The following MEMO1 variants were observed in gnomAD, a reference collection of about 807,000 sequenced individuals.
MEMO1 encodes protein MEMO1.
In MEMO1, 6 loss-of-function variants were observed where a neutral mutation model predicts 45.2. The ratio of observed to expected loss-of-function variants is 0.13; its 90% CI spans 0.07 to 0.26. The LOEUF (loss-of-function observed/expected upper bound fraction) is 0.26. Ranked by LOEUF, MEMO1 falls within the 10% of genes least tolerant of loss-of-function variation. The pLI is 1.00. For missense variants in MEMO1, 184 were observed against 370.5 expected (o/e 0.50, Z 4.13); for synonymous variants, 78 against 124.3 (o/e 0.63, Z 2.48).
chr2:31,955,145 G>A (rs1211402793), intron 2 of MEMO1, among the ~76,000 whole-genome samples: 1 of 151,814 alleles, frequency 6.6e-6, no homozygotes, highest in Admixed American at 6.6e-5. Context: ...GCTGAGGCAG[G>A]AAGATCGCTT....
At chr2:31,975,725 A>T (rs1272323623) in intron 2 of MEMO1, among the ~76,000 whole-genome samples, 1 of 152,240 alleles carries the variant, frequency 6.6e-6, no homozygotes, top group Non-Finnish European at 1.5e-5. Context: ...CATTCCTAAA[A>T]ATTACTAAAA....
intron 8 of MEMO1, among the ~76,000 whole-genome samples, chr2:31,877,195 A>C (rs1279170490): frequency 6.6e-6 from 1 of 152,222 alleles, no homozygotes; most frequent in Non-Finnish European, 1.5e-5. Context: ...GTTCTCATGA[A>C]GCTTACGTAA....
intron 3 of MEMO1, among the ~76,000 whole-genome samples, chr2:31,941,896 C>T (rs968503789): frequency 2.6e-5 from 4 of 152,156 alleles, no homozygotes; most frequent in Non-Finnish European, 5.9e-5. Flanking sequence ...TGTGTATTTA[C>T]TATTTGCTCA....
chr2:31,874,423 G>T (rs1169284285), intron 8 of MEMO1, among the ~76,000 whole-genome samples: 1 of 151,976 alleles, frequency 6.6e-6, no homozygotes, highest in African/African-American at 2.4e-5. Context: ...ACTACATTCG[G>T]TAGTTTGTTC....
At chr2:31,883,765 C>G (rs1675754102) in intron 7 of MEMO1, among the ~76,000 whole-genome samples, 1 of 151,942 alleles carries the variant, frequency 6.6e-6, no homozygotes, top group African/African-American at 2.4e-5. Context: ...CATTGTTAAA[C>G]ATTTTATCAG....
intron 2 of MEMO1, among the ~76,000 whole-genome samples, chr2:31,953,699 C>T (rs747701655): frequency 9.2e-5 from 14 of 151,990 alleles, no homozygotes; most frequent in Non-Finnish European, 1.9e-4. Flanking sequence ...TCAAATGATC[C>T]GCCCACCTTG....
chr2:31,909,574 C>A (rs1056237394), intron 6 of MEMO1, among the ~76,000 whole-genome samples: 1 of 151,876 alleles, frequency 6.6e-6, no homozygotes, highest in African/African-American at 2.4e-5. Flanking sequence ...AGAGCTATAC[C>A]AGGAAAATTT....
intron 2 of MEMO1, among the ~76,000 whole-genome samples, chr2:31,977,438 A>G (rs1174891938): frequency 6.6e-6 from 1 of 152,162 alleles, no homozygotes; most frequent in East Asian, 1.9e-4. Flanking sequence ...ACCGCAGGAA[A>G]ACAACATCTT....
chr2:31,961,608 T>TA (rs755885889), intron 2 of MEMO1, among the ~76,000 whole-genome samples: 105 of 142,580 alleles, frequency 7.4e-4, no homozygotes, highest in South Asian at 1.1e-3. Context: ...ATAAAAAATT[T>TA]AAAAAAAAAC....
intron 8 of MEMO1, among the ~76,000 whole-genome samples, chr2:31,872,698 T>A (rs964364246): frequency 6.6e-6 from 1 of 152,158 alleles, no homozygotes; most frequent in Non-Finnish European, 1.5e-5. Context: ...TGATGGGAGT[T>A]AAGAAATTAA....
intron 6 of MEMO1, among the ~76,000 whole-genome samples, chr2:31,905,233 C>T (rs573164788): frequency 1.2e-4 from 18 of 151,356 alleles, no homozygotes; most frequent in African/African-American, 4.1e-4. Context: ...AATCCTATCT[C>T]CAAAAAAGAA....
chr2:31,932,203 C>A, intron 3 of MEMO1, 68 bp from the exon 4 acceptor site: 2 of 1,386,454 alleles, frequency 1.4e-6, no homozygotes, highest in Non-Finnish European at 2.0e-6. Context: ...AAAGAAAAAC[C>A]TTGAAATAAA....
chr2:32,001,699 A>G, intron 2 of MEMO1, among the ~76,000 whole-genome samples: 1 of 152,094 alleles, frequency 6.6e-6, no homozygotes, highest in South Asian at 2.1e-4. Flanking sequence ...TCCTGGGTTC[A>G]AAACCCAACT....
intron 6 of MEMO1, among the ~76,000 whole-genome samples, chr2:31,896,474 A>G (rs1387981276): frequency 6.6e-6 from 1 of 152,208 alleles, no homozygotes; most frequent in African/African-American, 2.4e-5. Context: ...ATATGTAAAT[A>G]CAAAAGTATG....
At chr2:31,986,277 T>C (rs1671247016) in intron 2 of MEMO1, among the ~76,000 whole-genome samples, 1 of 152,002 alleles carries the variant, frequency 6.6e-6, no homozygotes, top group Admixed American at 6.6e-5. Context: ...CAGGGGCCTG[T>C]AGTCCCAGCC....
intron 3 of MEMO1, among the ~76,000 whole-genome samples, chr2:31,933,667 T>C (rs950594971): frequency 2.0e-5 from 3 of 151,848 alleles, no homozygotes; most frequent in Admixed American, 6.6e-5. Flanking sequence ...CAATACAAGA[T>C]AGTAGTGGCG....
intron 5 of MEMO1, among the ~76,000 whole-genome samples, chr2:31,919,949 CGTGT>C (rs61002743): frequency 0.017 from 2,453 of 144,404 alleles, 39 homozygotes; most frequent in African/African-American, 0.042. Context: ...CACACATACA[CGTGT>C]GTGTGTGTGT....
intron 2 of MEMO1, among the ~76,000 whole-genome samples, chr2:31,945,272 T>C (rs1426520046): frequency 6.6e-6 from 1 of 152,234 alleles, no homozygotes; most frequent in African/African-American, 2.4e-5. Flanking sequence ...AATTTATCTA[T>C]TCACTTTCCT....
At chr2:31,926,300 A>T (rs1415899173) in intron 4 of MEMO1, among the ~76,000 whole-genome samples, 2 of 151,570 alleles carry the variant, frequency 1.3e-5, no homozygotes, top group African/African-American at 4.9e-5. Flanking sequence ...TGAGCCTGGG[A>T]ATTCAACGCT....
Sources: gnomAD v4.1 joint callset for allele counts (sites outside exome capture counted in the v4.1 genomes callset) on GRCh38, gnomAD v4.1.1 for gene constraint, MANE v1.5 for transcripts, NCBI Gene and HGNC (gene_info 2026-07-23, HGNC 2026-07-21) for gene names.